Variants in FGD6 observed in about 807,000 individuals in gnomAD.
FGD6 encodes FYVE, RhoGEF and PH domain-containing protein 6.
Under a neutral mutation model 149.4 loss-of-function variants are expected in FGD6, and 90 were observed. The ratio of observed to expected loss-of-function variants is 0.60; its 90% CI spans 0.51 to 0.72. FGD6 has a LOEUF of 0.72. Ranked by LOEUF, FGD6 falls within the 30% of genes least tolerant of loss-of-function variation. The pLI, the probability that FGD6 is intolerant of heterozygous loss-of-function variation, is 0.00. For synonymous variants in FGD6, 527 were observed against 584.0 expected, an observed-to-expected ratio of 0.90 and a Z score of 1.41; for missense variants, 1,437 against 1,684.8, an observed-to-expected ratio of 0.85 and a Z score of 2.57.
At chr12:95,127,736 C>T (rs931544796) in intron 8 of FGD6, among the ~76,000 whole-genome samples, 23 of 151,910 alleles carry the variant, frequency 1.5e-4, no homozygotes, top group African/African-American at 3.9e-4. Context: ...GCAAAGACAA[C>T]GAGAAAAAGT....
chr12:95,133,187 G>T (rs914186973), intron 8 of FGD6, among the ~76,000 whole-genome samples: 3 of 152,186 alleles, frequency 2.0e-5, no homozygotes, highest in Non-Finnish European at 4.4e-5. Context: ...GGAGGCCAAG[G>T]TCGGCAGATC....
At chr12:95,112,708 A>T (rs1413886626) in intron 9 of FGD6, among the ~76,000 whole-genome samples, 3 of 152,194 alleles carry the variant, frequency 2.0e-5, no homozygotes, top group African/African-American at 7.2e-5. Flanking sequence ...TGTATCTGCG[A>T]GAGAGGGAGG....
rs767352641 is a variant in FGD6 at position 95,137,652 on chromosome 12, A to G, written c.2864T>C (p.Ile955Thr). The change falls in exon 7 of 21, where the codon ATC becomes ACC. Residue 955 changes from isoleucine to threonine, a missense_variant. Physicochemically the swap from Ile to Thr is moderately conservative, Grantham distance 89. Around this residue, in one of 2 missense-constraint regions of FGD6, gnomAD observed 1,055 missense variants for 1,146.0 expected, o/e 0.92. Transcript: ENST00000343958. ...TAGATATGGTCCCTTCTTTACAAAGATATCAGCAATTCTTTGTTGTTCAGT... is the reference window on the plus strand; with the variant it reads ...TAGATATGGTCCCTTCTTTACAAAGGTATCAGCAATTCTTTGTTGTTCAGT... ...HWTEQQRIAD[I>T]FVKKGPYLKM... The G allele has an allele frequency of 1.2e-6, 2 of 1,604,780 alleles. No individual in the cohort carries two copies. Among genetic ancestry groups the G allele is most frequent in the Admixed American group, 1.7e-5 (1 of 57,966 alleles).
chr12:95,160,997 T>C (rs552250272), intron 3 of FGD6, among the ~76,000 whole-genome samples: 1 of 151,890 alleles, frequency 6.6e-6, no homozygotes, highest in African/African-American at 2.4e-5. Flanking sequence ...CTGGCCAACA[T>C]GGTGAAACCC....
chr12:95,152,114 C>T (rs1275414539), intron 5 of FGD6, among the ~76,000 whole-genome samples: 15 of 152,000 alleles, frequency 9.9e-5, no homozygotes, highest in Admixed American at 9.8e-4. Context: ...TCACTTGAGC[C>T]CATGAGTTTG....
chr12:95,175,439 T>C (rs190755372), intron 2 of FGD6, among the ~76,000 whole-genome samples: 3 of 151,826 alleles, frequency 2.0e-5, no homozygotes, highest in Non-Finnish European at 2.9e-5. Flanking sequence ...GAGAAAGGGA[T>C]GGATGTAAGA....
At chr12:95,202,871 A>G (rs1199134402) in intron 2 of FGD6, among the ~76,000 whole-genome samples, 1 of 152,200 alleles carries the variant, frequency 6.6e-6, no homozygotes, top group East Asian at 1.9e-4. Flanking sequence ...GATTTTTTAC[A>G]TTTCCTGAGC....
Position 95,127,443 on chromosome 12 carries a change from T to A in FGD6, c.3082+7296A>T, listed in dbSNP as rs373208427. Among the ~76,000 whole-genome samples the A allele has an allele frequency of 1.4e-4, 21 of 152,108 alleles. No individual in the cohort carries two copies. The East Asian group carries it at 1.5e-3, about 11-fold the overall frequency. Reference sequence around the variant, plus strand: ...CCTGTAGTCCCAGCTACTCGGGCGGTTGAGGCAGAAGAATCACTTGAACCC... The same window carrying A: ...CCTGTAGTCCCAGCTACTCGGGCGGATGAGGCAGAAGAATCACTTGAACCC... On this transcript the variant is annotated intron_variant, in intron 8 of 20. Transcript: ENST00000343958.
chr12:95,164,971 A>C (rs2136279624), intron 3 of FGD6, among the ~76,000 whole-genome samples: 1 of 152,340 alleles, frequency 6.6e-6, no homozygotes, highest in East Asian at 1.9e-4. Context: ...TTAAAAAAAC[A>C]AGGAAATCAA....
chr12:95,135,813 A>T (rs888953178), intron 7 of FGD6, among the ~76,000 whole-genome samples: 1 of 152,232 alleles, frequency 6.6e-6, no homozygotes, highest in African/African-American at 2.4e-5. Context: ...TCCAAGCATC[A>T]TTAACCCAGA....
At chr12:95,174,555 C>T (rs1383526063) in intron 2 of FGD6, among the ~76,000 whole-genome samples, 1 of 152,082 alleles carries the variant, frequency 6.6e-6, no homozygotes, top group East Asian at 1.9e-4. Flanking sequence ...TTTGATCCAG[C>T]CCATCTGGGT....
chr12:95,129,670 TTTTG>T (rs1879460299), intron 8 of FGD6, among the ~76,000 whole-genome samples: 2 of 151,792 alleles, frequency 1.3e-5, no homozygotes, highest in Non-Finnish European at 2.9e-5. Flanking sequence ...AATTTACAAG[TTTTG>T]TTTGTTTGTT....
chr12:95,112,079 T>C lies in FGD6; in HGVS notation c.3133+1572A>G, dbSNP rs1457787172. 3.4e-5 allele frequency among the ~76,000 whole-genome samples: 5 copies of C among 148,876 alleles called. No individual in the cohort carries two copies. The Admixed American group carries it at 3.4e-4, about 10-fold the overall frequency. On this transcript the variant is annotated intron_variant, in intron 9 of 20. Transcript: ENST00000343958. Reference sequence around the variant, plus strand: ...TGAAACCCTGTCTCTACAAAAAATATAAAAATTAGCAGGGTGTGATGGTAT... The same window carrying C: ...TGAAACCCTGTCTCTACAAAAAATACAAAAATTAGCAGGGTGTGATGGTAT...
chr12:95,199,478 A>G (rs1416087371), intron 2 of FGD6, among the ~76,000 whole-genome samples: 1 of 152,180 alleles, frequency 6.6e-6, no homozygotes, highest in Non-Finnish European at 1.5e-5. Context: ...AGCAAATCAT[A>G]CCTGGACTTG....
At chr12:95,103,051 G>A (rs182567810) in intron 14 of FGD6, among the ~76,000 whole-genome samples, 108 of 152,268 alleles carry the variant, frequency 7.1e-4, no homozygotes, top group African/African-American at 2.5e-3. Context: ...TGATTTCAGT[G>A]GTATGGACAA....
chr12:95,121,639 G>A (rs989032503), intron 8 of FGD6, among the ~76,000 whole-genome samples: 2 of 151,300 alleles, frequency 1.3e-5, no homozygotes, highest in African/African-American at 4.9e-5. Flanking sequence ...ATTAATGTAG[G>A]AACCTTAATT....
intron 2 of FGD6, among the ~76,000 whole-genome samples, chr12:95,185,915 G>A (rs1377391325): frequency 6.6e-6 from 1 of 152,016 alleles, no homozygotes; most frequent in East Asian, 1.9e-4. Context: ...GATTAAATGA[G>A]ATAATGTGAA....
rs1418883495 is a variant in FGD6 at position 95,121,485 on chromosome 12, A to ATATG, written c.3083-7785_3083-7784insCATA. Among the ~76,000 whole-genome samples the ATATG allele has an allele frequency of 1.7e-3, 38 of 22,868 alleles. No homozygotes were observed. The East Asian group carries it at 0.052, about 32-fold the overall frequency. The allele number at this position is 22,868 out of a possible 152,430, so 15.0% of individuals were successfully genotyped here. On this transcript the variant is annotated intron_variant, in intron 8 of 20. Coordinates refer to ENST00000343958, the MANE Select transcript of FGD6 (RefSeq NM_018351.4). ...AAAAGATATATATATATATATGTAT[A>ATATG]TATATATATATATATATTCCTTTAT...
At chr12:95,148,541 CAT>C (rs1286070523) in intron 5 of FGD6, among the ~76,000 whole-genome samples, 2 of 113,086 alleles carry the variant, frequency 1.8e-5, no homozygotes, top group African/African-American at 6.6e-5. Context: ...TAATATATAG[CAT>C]ATATTATATT....
Sources: allele counts gnomAD v4.1 joint callset (sites outside exome capture counted in the v4.1 genomes callset), GRCh38; gene constraint gnomAD v4.1.1; regional missense constraint gnomAD v4.1.1; transcripts MANE v1.5; gene names NCBI Gene and HGNC (gene_info 2026-07-23, HGNC 2026-07-21).